The following CSNK1G1 variants were observed in gnomAD, a reference collection of about 807,000 sequenced individuals.
The protein encoded by CSNK1G1 is casein kinase I isoform gamma-1.
In CSNK1G1, 22 loss-of-function variants were observed where a neutral mutation model predicts 59.6. That is an observed-to-expected ratio of 0.37 (90% CI 0.26 to 0.53). CSNK1G1 has a LOEUF of 0.53. Among genes scored for constraint, CSNK1G1 ranks in the 20% least tolerant of loss-of-function variants. The pLI is 0.89. For missense variants in CSNK1G1, 384 were observed against 519.5 expected (o/e 0.74, Z 2.54); for synonymous variants, 179 against 177.1 (o/e 1.01, Z -0.08).
intron 10 of CSNK1G1, among the ~76,000 whole-genome samples, chr15:64,192,035 G>T (rs750329317): frequency 6.6e-6 from 1 of 152,224 alleles, no homozygotes; most frequent in Non-Finnish European, 1.5e-5. Flanking sequence ...GTCTGCTAGT[G>T]TAACTCTCCA....
chr15:64,193,722 G>A (rs1279426164), intron 10 of CSNK1G1, among the ~76,000 whole-genome samples: 1 of 152,142 alleles, frequency 6.6e-6, no homozygotes. Flanking sequence ...AGAGACGAGA[G>A]TATCAATTCT....
chr15:64,348,299 G>A (rs1325360191), intron 1 of CSNK1G1: 2 of 152,116 alleles, frequency 1.3e-5, no homozygotes, highest in African/African-American at 4.8e-5. Context: ...GTGAACCTTA[G>A]TGTAAACCAG....
chr15:64,228,616 C>CA (rs1284294411), intron 4 of CSNK1G1, among the ~76,000 whole-genome samples: 1 of 152,068 alleles, frequency 6.6e-6, no homozygotes, highest in Non-Finnish European at 1.5e-5. Context: ...AGCCTGGCAA[C>CA]ACAGCAAGAC....
intron 1 of CSNK1G1, among the ~76,000 whole-genome samples, chr15:64,305,576 G>A (rs965563745): frequency 2.6e-5 from 4 of 151,308 alleles, no homozygotes; most frequent in Admixed American, 2.0e-4. Context: ...AAAATTGGCC[G>A]GGCAAGGTGG....
intron 2 of CSNK1G1, among the ~76,000 whole-genome samples, chr15:64,281,454 A>T (rs1894128705): frequency 1.3e-5 from 2 of 152,302 alleles, no homozygotes; most frequent in South Asian, 2.1e-4. Flanking sequence ...AAAATAAAAA[A>T]AATAAAAAGA....
At position 64,251,599 on chromosome 15, in the gene CSNK1G1, A is replaced by G; in HGVS notation, c.223-18T>C. 1.3e-6 allele frequency: 2 copies of G among 1,579,732 alleles called. No individual in the cohort carries two copies. Among genetic ancestry groups the G allele is most frequent in the Non-Finnish European group, 1.7e-6 (2 of 1,150,032 alleles). ...ATTGGTTCCTGAAATCCAAAAAGAA[A>G]AACTGTGATCAGATTTAAACAAATG... is the stretch of plus-strand genomic sequence containing the variant. On this transcript the variant is annotated intron_variant, in intron 3 of 11. Transcript: ENST00000303052.
chr15:64,295,833 G>T (rs1446636325), intron 2 of CSNK1G1, among the ~76,000 whole-genome samples: 4 of 152,118 alleles, frequency 2.6e-5, no homozygotes, highest in Non-Finnish European at 5.9e-5. Flanking sequence ...TTGCCTACAG[G>T]ATAAAGTCCA....
chr15:64,351,349 T>G (rs1898274188), intron 1 of CSNK1G1, among the ~76,000 whole-genome samples: 1 of 152,204 alleles, frequency 6.6e-6, no homozygotes, highest in South Asian at 2.1e-4. Flanking sequence ...CTTCCCAATC[T>G]TTCCTAAAAC....
intron 1 of CSNK1G1, among the ~76,000 whole-genome samples, chr15:64,312,186 A>C (rs1397540778): frequency 1.3e-5 from 2 of 152,244 alleles, no homozygotes; most frequent in Non-Finnish European, 2.9e-5. Flanking sequence ...GCCCAAAGTA[A>C]TTTATGGATT....
chr15:64,347,328 T>C lies in CSNK1G1; in HGVS notation c.-225+8660A>G, dbSNP rs149330631. On this transcript the variant is annotated intron_variant, in intron 1 of 11. Coordinates refer to ENST00000303052, the MANE Select transcript of CSNK1G1 (RefSeq NM_022048.5). ...CAAAAGAGCTGAAAACTTTTAATGATAGAAAAACCTACACATGTATGTTTA... is the reference window on the plus strand; with the variant it reads ...CAAAAGAGCTGAAAACTTTTAATGACAGAAAAACCTACACATGTATGTTTA... Among the ~76,000 whole-genome samples the C allele has an allele frequency of 2.4e-3, 365 of 152,236 alleles. 1 individual carries two copies. Among genetic ancestry groups the C allele is most frequent in the African/African-American group, 8.5e-3 (355 of 41,554 alleles).
At chr15:64,201,705 C>CAT (rs1045057382) in intron 10 of CSNK1G1, among the ~76,000 whole-genome samples, 3 of 104,236 alleles carry the variant, frequency 2.9e-5, no homozygotes, top group Admixed American at 1.1e-4. Flanking sequence ...CTCCATTGGA[C>CAT]ATGTGTGTGT....
At chr15:64,194,884 ACT>A (rs1219662860) in intron 10 of CSNK1G1, 1 of 151,814 alleles carries the variant, frequency 6.6e-6, no homozygotes, top group African/African-American at 2.4e-5. Context: ...AATCCAAAAC[ACT>A]CTTTTACTGG....
chr15:64,188,526 G>T lies in CSNK1G1; in HGVS notation c.1108-8072C>A. 7.1e-7 allele frequency: 1 copy of T among 1,412,510 alleles called. No homozygotes were observed. The highest frequency in any genetic ancestry group is 9.6e-7 in the Non-Finnish European group (1 of 1,037,050). The allele number at this position is 1,412,510 out of a possible 1,614,324, so 87.5% of individuals were successfully genotyped here. On this transcript the variant is annotated intron_variant, in intron 10 of 11. Coordinates refer to ENST00000303052, the MANE Select transcript of CSNK1G1 (RefSeq NM_022048.5). The surrounding 1 kb of genome is among the most constrained non-coding windows in gnomAD (Gnocchi z 4.2). ...AAAGCATGAGAGCAAGATATGGAAG[G>T]AAAGGTGAAGCAACAGCAAGCAATA...
At chr15:64,275,993 T>C (rs1001135650) in intron 2 of CSNK1G1, among the ~76,000 whole-genome samples, 14 of 152,204 alleles carry the variant, frequency 9.2e-5, no homozygotes, top group African/African-American at 3.4e-4. Flanking sequence ...TCTATATAAC[T>C]TTCCTAAGGT....
chr15:64,289,279 G>T (rs749100296), intron 2 of CSNK1G1, among the ~76,000 whole-genome samples: 1 of 151,742 alleles, frequency 6.6e-6, no homozygotes, highest in Admixed American at 6.6e-5. Flanking sequence ...GCATAATCTT[G>T]CAAGTATTGT....
intron 2 of CSNK1G1, among the ~76,000 whole-genome samples, chr15:64,283,611 G>A (rs1894258211): frequency 6.6e-6 from 1 of 151,906 alleles, no homozygotes. Flanking sequence ...AGCCTCCTGA[G>A]TAGCTGGGAT....
intron 1 of CSNK1G1, among the ~76,000 whole-genome samples, chr15:64,353,659 A>G (rs1898458607): frequency 6.6e-6 from 1 of 151,222 alleles, no homozygotes; most frequent in African/African-American, 2.4e-5. Flanking sequence ...AAAAAAAAAA[A>G]AAAAAGAAAG....
chr15:64,258,488 A>G (rs1379474430), intron 3 of CSNK1G1, among the ~76,000 whole-genome samples: 4 of 152,118 alleles, frequency 2.6e-5, no homozygotes, highest in Non-Finnish European at 5.9e-5. Flanking sequence ...AACTAATAAA[A>G]CAAAGCTACC....
At chr15:64,281,927 T>G (rs1013655034) in intron 2 of CSNK1G1, among the ~76,000 whole-genome samples, 28 of 151,452 alleles carry the variant, frequency 1.8e-4, no homozygotes, top group Admixed American at 1.2e-3. Flanking sequence ...TTATGGAGTT[T>G]TTTTTTTTTT....
Sources: gnomAD v4.1 joint callset for allele counts (sites outside exome capture counted in the v4.1 genomes callset) on GRCh38, gnomAD v4.1.1 for gene constraint, Gnocchi (gnomAD v3.1) non-coding constraint, MANE v1.5 for transcripts, NCBI Gene and HGNC (gene_info 2026-07-23, HGNC 2026-07-21) for gene names.